RNF38: variants seen among roughly 807,000 people sequenced by gnomAD.
RNF38 encodes the protein E3 ubiquitin-protein ligase RNF38.
RNF38 carries 15 observed loss-of-function variants against 67.2 expected under a neutral mutation model. The ratio of observed to expected loss-of-function variants is 0.22; its 90% CI spans 0.15 to 0.34. RNF38 has a LOEUF of 0.34. RNF38 is among the 10% of genes least tolerant of loss of function. The probability of loss-of-function intolerance (pLI) is 1.00; values close to 1 mark genes in which losing one functional copy is unlikely to be tolerated. For synonymous variants in RNF38, 220 were observed against 218.8 expected, an observed-to-expected ratio of 1.01 and a Z score of -0.05; for missense variants, 524 against 639.9, an observed-to-expected ratio of 0.82 and a Z score of 1.95.
chr9:36,426,554 C>T (rs1473335870), intron 1 of RNF38, among the ~76,000 whole-genome samples: 4 of 152,202 alleles, frequency 2.6e-5, no homozygotes, highest in Admixed American at 2.0e-4. Context: ...CATTTTGTTT[C>T]ACTCTGGAAA....
At chr9:36,375,527 C>T (rs1835724837) in intron 3 of RNF38, among the ~76,000 whole-genome samples, 1 of 152,130 alleles carries the variant, frequency 6.6e-6, no homozygotes, top group Admixed American at 6.5e-5. Flanking sequence ...AATTAAGCTC[C>T]TAATTGCCTT....
At chr9:36,452,445 C>T (rs1350738868) in intron 1 of RNF38, among the ~76,000 whole-genome samples, 1 of 152,100 alleles carries the variant, frequency 6.6e-6, no homozygotes, top group Non-Finnish European at 1.5e-5. Context: ...TAAATAGACG[C>T]ATACTACATG....
chr9:36,378,789 T>C (rs149473493), intron 2 of RNF38, among the ~76,000 whole-genome samples: 1 of 152,276 alleles, frequency 6.6e-6, no homozygotes, highest in African/African-American at 2.4e-5. Context: ...GGAAAGTGGC[T>C]GCGAAAAGTA....
chr9:36,479,746 A>T (rs1017431706), intron 1 of RNF38, among the ~76,000 whole-genome samples: 19 of 135,190 alleles, frequency 1.4e-4, no homozygotes, highest in African/African-American at 6.7e-4. Context: ...ACAAATCTAT[A>T]AAAAAAAAAG....
intron 1 of RNF38, among the ~76,000 whole-genome samples, chr9:36,472,721 G>C (rs1187813096): frequency 6.6e-6 from 1 of 152,144 alleles, no homozygotes; most frequent in Non-Finnish European, 1.5e-5. Flanking sequence ...ATCTGTTTAA[G>C]TGCCCAAACA....
intron 4 of RNF38, among the ~76,000 whole-genome samples, chr9:36,360,389 C>T (rs1388820265): frequency 6.6e-6 from 1 of 152,160 alleles, no homozygotes; most frequent in Non-Finnish European, 1.5e-5. Flanking sequence ...AATCTCCTTT[C>T]CTAGGTATAC....
rs917628094 is a variant in RNF38 at position 36,429,652 on chromosome 9, C to T, written n.242-4969G>A. Among the ~76,000 whole-genome samples the T allele has an allele frequency of 7.9e-5, 12 of 152,016 alleles. No homozygotes were observed. The East Asian group carries it at 1.4e-3, about 17-fold the overall frequency. ...TTATTAAAAATACAAAAATTAGCCA[C>T]GCATGGTGGCGGGCACCTGTAATCC... is the stretch of plus-strand genomic sequence containing the variant. On this transcript the variant is annotated intron_variant and non_coding_transcript_variant, in intron 1 of 3. Transcript: ENST00000488058.
At chr9:36,351,806 CTT>C (rs951403488) in intron 8 of RNF38, among the ~76,000 whole-genome samples, 2 of 152,174 alleles carry the variant, frequency 1.3e-5, no homozygotes, top group African/African-American at 4.8e-5. Context: ...ATACGTGCCA[CTT>C]CTGGGACATA....
chr9:36,339,385 G>A lies in RNF38; in HGVS notation c.*367C>T, dbSNP rs1219759398. 4.3e-6 allele frequency: 1 copy of A among 232,586 alleles called. No homozygotes were observed. The highest frequency in any genetic ancestry group is 7.7e-5 in the South Asian group (1 of 13,038). The allele number at this position is 232,586 out of a possible 1,614,324, so 14.4% of individuals were successfully genotyped here. A position where few individuals can be genotyped will look rare whatever the true frequency, so the allele number is the denominator to read the frequency against. On this transcript the variant is annotated 3_prime_UTR_variant, in exon 12 of 12. Coordinates refer to ENST00000259605, the MANE Select transcript of RNF38 (RefSeq NM_022781.5). ...ACAGTTTCTGAAGGCTCTATATAAG[G>A]TAGATTGCTATATCATCTGTAGCTA...
chr9:36,431,630 A>G (rs1838936781), intron 1 of RNF38, among the ~76,000 whole-genome samples: 1 of 152,158 alleles, frequency 6.6e-6, no homozygotes, highest in Admixed American at 6.5e-5. Flanking sequence ...TAGGCACACC[A>G]TCCTCCCAGC....
At chr9:36,401,022 G>C (rs1164712148), upstream of RNF38, 7 of 984,504 alleles carry the variant, frequency 7.1e-6, no homozygotes, top group Non-Finnish European at 8.4e-6. Context: ...CTCGCCGCTA[G>C]GCCGCGACAC....
intron 4 of RNF38, among the ~76,000 whole-genome samples, chr9:36,360,669 A>G (rs1339153555): frequency 1.3e-5 from 2 of 152,230 alleles, no homozygotes. Context: ...TTAGCAAACT[A>G]GAACCTTCAA....
At chr9:36,362,421 A>G (rs988529469) in intron 4 of RNF38, among the ~76,000 whole-genome samples, 1 of 151,600 alleles carries the variant, frequency 6.6e-6, no homozygotes. Context: ...AATACTTTGT[A>G]AAATACAATC....
chr9:36,376,031 A>C lies in RNF38; in HGVS notation c.259T>G (p.Trp87Gly). 1.2e-6 allele frequency: 2 copies of C among 1,613,340 alleles called. No homozygotes were observed. Among genetic ancestry groups the C allele is most frequent in the East Asian group, 2.2e-5 (1 of 44,850 alleles). The change falls in exon 3 of 12, where the codon TGG (tryptophan) becomes GGG (glycine). Residue 87 changes from tryptophan to glycine, a missense_variant. Trp to Gly is a radical substitution (Grantham distance 184). This residue lies in a region of RNF38 where 461 missense variants were observed against 517.4 expected (regional missense o/e 0.89). Transcript: ENST00000259605. ...SPAPSPPMRP[W>G]EMTSNRQPPS... ...GGCTGCCTATTTGATGTCATCTCCC[A>C]TGGTCGCATTGGTGGTGAGGGAGCT...
upstream of RNF38, among the ~76,000 whole-genome samples, chr9:36,404,914 TG>T (rs1838142111): frequency 1.0e-5 from 1 of 99,058 alleles, no homozygotes; most frequent in South Asian, 3.2e-4. Flanking sequence ...TTTGTAGTTT[TG>T]TTTTTTTTTA....
At chr9:36,449,227 T>C (rs1437787868) in intron 1 of RNF38, among the ~76,000 whole-genome samples, 6 of 152,046 alleles carry the variant, frequency 3.9e-5, no homozygotes, top group Non-Finnish European at 8.8e-5. Flanking sequence ...GGCAAAGTGT[T>C]TGAGACCAGC....
chr9:36,406,624 G>A (rs1838189931), intron 2 of RNF38, among the ~76,000 whole-genome samples: 1 of 152,212 alleles, frequency 6.6e-6, no homozygotes, highest in South Asian at 2.1e-4. Flanking sequence ...CACATACCAT[G>A]TGCTTAATAA....
At chr9:36,478,841 T>C (rs1468291844) in intron 1 of RNF38, among the ~76,000 whole-genome samples, 6 of 147,082 alleles carry the variant, frequency 4.1e-5, no homozygotes, top group Non-Finnish European at 9.0e-5. Context: ...AAAAAAAGAT[T>C]AGTGGGCGCA....
intron 1 of RNF38, among the ~76,000 whole-genome samples, chr9:36,425,796 G>A (rs965569682): frequency 6.6e-6 from 1 of 152,208 alleles, no homozygotes; most frequent in East Asian, 1.9e-4. Context: ...ACACGACTGT[G>A]GACCAAAGGC....
Sources: allele counts gnomAD v4.1 joint callset (sites outside exome capture counted in the v4.1 genomes callset), GRCh38; gene constraint gnomAD v4.1.1; regional missense constraint gnomAD v4.1.1; transcripts MANE v1.5; gene names NCBI Gene and HGNC (gene_info 2026-07-23, HGNC 2026-07-21).